The following CSMD2 variants were observed in gnomAD, a reference collection of about 807,000 sequenced individuals.
The protein encoded by CSMD2 is CUB and Sushi multiple domains 2.
A neutral mutation model predicts 398.5 loss-of-function variants in CSMD2; 130 were observed. The ratio of observed to expected loss-of-function variants is 0.33; its 90% CI spans 0.28 to 0.38. The LOEUF (loss-of-function observed/expected upper bound fraction) is 0.38, where lower values mean the gene tolerates loss of function less well. CSMD2 is among the 10% of genes least tolerant of loss of function. The probability of loss-of-function intolerance (pLI) is 1.00; values close to 1 mark genes in which losing one functional copy is unlikely to be tolerated. For missense variants in CSMD2, 3,829 were observed against 4,764.9 expected, an observed-to-expected ratio of 0.80 and a Z score of 5.78; for synonymous variants, 1,828 against 1,908.5, an observed-to-expected ratio of 0.96 and a Z score of 1.10.
intron 13 of CSMD2, among the ~76,000 whole-genome samples, chr1:33,762,806 A>G (rs1649995895): frequency 6.6e-6 from 1 of 152,218 alleles, no homozygotes; most frequent in African/African-American, 2.4e-5. Flanking sequence ...GAGCTCTTGG[A>G]GGGCAAGAAC....
At chr1:33,986,780 G>A (rs1018413566) in intron 3 of CSMD2, among the ~76,000 whole-genome samples, 2 of 152,174 alleles carry the variant, frequency 1.3e-5, no homozygotes, top group African/African-American at 4.8e-5. Flanking sequence ...TCAGGGCACT[G>A]GGCATGAAGG....
intron 48 of CSMD2, among the ~76,000 whole-genome samples, chr1:33,578,520 G>A (rs1388366889): frequency 6.6e-6 from 1 of 152,236 alleles, no homozygotes; most frequent in Non-Finnish European, 1.5e-5. Flanking sequence ...GGAGGCTGCA[G>A]GGAGATGAGC....
intron 5 of CSMD2, among the ~76,000 whole-genome samples, chr1:33,893,435 G>T (rs562049448): frequency 6.6e-6 from 1 of 152,326 alleles, no homozygotes; most frequent in East Asian, 1.9e-4. Context: ...ATGGGGAAGT[G>T]AAGCACAAAG....
intron 2 of CSMD2, among the ~76,000 whole-genome samples, chr1:34,054,742 T>TA (rs1380495715): frequency 2.0e-5 from 3 of 151,552 alleles, no homozygotes; most frequent in Non-Finnish European, 2.9e-5. Flanking sequence ...TCTGTCTCTT[T>TA]AAAAAAAAGT....
chr1:33,908,588 A>C (rs1203815260), intron 5 of CSMD2, among the ~76,000 whole-genome samples: 1 of 152,266 alleles, frequency 6.6e-6, no homozygotes, highest in Non-Finnish European at 1.5e-5. Context: ...AACTTTGCCA[A>C]GTCACAAGCT....
intron 24 of CSMD2, among the ~76,000 whole-genome samples, chr1:33,696,345 G>A (rs1160610492): frequency 1.3e-5 from 2 of 152,190 alleles, no homozygotes; most frequent in African/African-American, 4.8e-5. Flanking sequence ...ACATTTCATG[G>A]ACCCGTTGGT....
intron 6 of CSMD2, among the ~76,000 whole-genome samples, chr1:33,826,488 G>A (rs1658837260): frequency 6.6e-6 from 1 of 152,202 alleles, no homozygotes; most frequent in Non-Finnish European, 1.5e-5. Flanking sequence ...TGGGGGAAGA[G>A]GGAATTAGCC....
chr1:34,020,975 T>C (rs1010257380), intron 3 of CSMD2, among the ~76,000 whole-genome samples: 1 of 152,148 alleles, frequency 6.6e-6, no homozygotes, highest in African/African-American at 2.4e-5. Context: ...AGGGATGCCA[T>C]CTGTCCACCG....
intron 1 of CSMD2, among the ~76,000 whole-genome samples, chr1:34,136,280 C>T (rs1490309510): frequency 6.6e-6 from 1 of 152,210 alleles, no homozygotes; most frequent in Non-Finnish European, 1.5e-5. Context: ...ACAAGGCAAC[C>T]CCTAAGCCAC....
At chr1:33,831,699 T>A (rs1287971930) in intron 6 of CSMD2, among the ~76,000 whole-genome samples, 2 of 152,146 alleles carry the variant, frequency 1.3e-5, no homozygotes, top group Admixed American at 1.3e-4. Flanking sequence ...ATGCTCCAAT[T>A]AAAAGACATC....
Position 33,559,785 on chromosome 1 carries a change from C to A in CSMD2, c.8381-312G>T, listed in dbSNP as rs755064142. Among the ~76,000 whole-genome samples the A allele has an allele frequency of 1.5e-4, 23 of 152,112 alleles. No individual in the cohort carries two copies. Among genetic ancestry groups the A allele is most frequent in the Non-Finnish European group, 2.9e-4 (20 of 67,996 alleles). The stretch of plus-strand genomic sequence containing the variant: ...ATCTTACTTTCCTTGCCTCTGATGC[C>A]CTCGGCTCCCCAGATCCATTCTTAA... On this transcript the variant is annotated intron_variant, in intron 53 of 70. Transcript: ENST00000373381. This position sits in a 1 kb window ranked among gnomAD's most constrained non-coding sequence, Gnocchi z 4.0.
At position 33,743,613 on chromosome 1, in the gene CSMD2, G is replaced by A. The variant is rs1173223717; in HGVS notation, c.1847-7C>T. 3 of 1,580,038 alleles carry A rather than the reference G, an allele frequency of 1.9e-6. No individual in the cohort carries two copies. In the African/African-American group the frequency reaches 4.0e-5, roughly 21 times the overall value. On this transcript the variant is annotated splice_region_variant and splice_polypyrimidine_tract_variant and intron_variant, in intron 13 of 70. Coordinates refer to ENST00000373381, the MANE Select transcript of CSMD2 (RefSeq NM_001281956.2). The stretch of plus-strand genomic sequence containing the variant: ...AAGTTGAAGAAGCAGGAGACTGCAA[G>A]AGAAGAGCAGTGGAGGTCAGTAAGC...
intron 3 of CSMD2, among the ~76,000 whole-genome samples, chr1:33,994,246 C>G (rs2884535): frequency 0.12 from 18,425 of 151,988 alleles, 1,863 homozygotes; most frequent in East Asian, 0.42. Flanking sequence ...TTGGATCCAG[C>G]GGGGTATGCT....
chr1:33,775,545 A>C, intron 12 of CSMD2, among the ~76,000 whole-genome samples: 1 of 152,170 alleles, frequency 6.6e-6, no homozygotes, highest in East Asian at 1.9e-4. Flanking sequence ...TGTCACAGCT[A>C]ACTTTAGTTA....
At position 33,569,358 on chromosome 1, in the gene CSMD2, T is replaced by C. The variant is rs371378197; in HGVS notation, c.8131+16A>G. The C allele has an allele frequency of 1.2e-5, 20 of 1,610,960 alleles. No homozygotes were observed. In the African/African-American group the frequency reaches 2.4e-4, roughly 19 times the overall value. ...GGAGAAAAACTGGGCAGGATAGGCC[T>C]GCAGAGGTCACTTACCAAGGCAGCG... On this transcript the variant is annotated intron_variant, in intron 52 of 70. Transcript: ENST00000373381.
intron 2 of CSMD2, among the ~76,000 whole-genome samples, chr1:34,044,171 C>A (rs544660290): frequency 6.6e-6 from 1 of 152,060 alleles, no homozygotes; most frequent in Non-Finnish European, 1.5e-5. Context: ...CAGAGACTGA[C>A]AAATTAATAC....
At chr1:33,777,939 G>T (rs1652215108) in intron 12 of CSMD2, among the ~76,000 whole-genome samples, 1 of 152,120 alleles carries the variant, frequency 6.6e-6, no homozygotes, top group Non-Finnish European at 1.5e-5. Flanking sequence ...TATTTGATGT[G>T]CTCCAAGAGG....
At chr1:33,761,129 G>C (rs1010389958) in intron 13 of CSMD2, among the ~76,000 whole-genome samples, 8 of 152,126 alleles carry the variant, frequency 5.3e-5, no homozygotes, top group Admixed American at 6.5e-5. Context: ...CAGCTGCATG[G>C]GGGTACCTGG....
intron 5 of CSMD2, among the ~76,000 whole-genome samples, chr1:33,888,756 T>TTTTTTGTTGTTGTTG (rs1553244524): frequency 2.0e-5 from 3 of 148,938 alleles, no homozygotes; most frequent in East Asian, 2.0e-4. Flanking sequence ...TCAACTGATT[T>TTTTTTGTTGTTGTTG]TTGTTGTTGT....
Sources: gnomAD v4.1 joint callset for allele counts (sites outside exome capture counted in the v4.1 genomes callset) on GRCh38, gnomAD v4.1.1 for gene constraint, Gnocchi (gnomAD v3.1) non-coding constraint, MANE v1.5 for transcripts, NCBI Gene and HGNC (gene_info 2026-07-23, HGNC 2026-07-21) for gene names.